Variants in MAGI1 observed in about 807,000 individuals in gnomAD.
The protein encoded by MAGI1 is membrane associated guanylate kinase, WW and PDZ domain containing 1.
A neutral mutation model predicts 139.9 loss-of-function variants in MAGI1; 58 were observed. The observed-to-expected ratio is 0.41, with a 90% CI of 0.34 to 0.52. MAGI1 has a LOEUF of 0.52. MAGI1 is among the 20% of genes least tolerant of loss of function. The pLI is 0.12. For synonymous variants in MAGI1, 812 were observed against 737.9 expected (o/e 1.10, Z -1.63); for missense variants, 1,874 against 1,901.6 (o/e 0.99, Z 0.27).
At chr3:65,732,589 G>C (rs967207321) in intron 1 of MAGI1, among the ~76,000 whole-genome samples, 2 of 152,160 alleles carry the variant, frequency 1.3e-5, no homozygotes, top group Non-Finnish European at 2.9e-5. Context: ...CACTTACCTA[G>C]AAAACAAGAA....
intron 1 of MAGI1, among the ~76,000 whole-genome samples, chr3:65,974,193 G>A (rs1302807215): frequency 6.6e-6 from 1 of 151,878 alleles, no homozygotes; most frequent in Non-Finnish European, 1.5e-5. Flanking sequence ...CTCCTTCAAA[G>A]CATGGATTGT....
At chr3:65,944,385 G>A (rs2063460194) in intron 1 of MAGI1, among the ~76,000 whole-genome samples, 1 of 152,096 alleles carries the variant, frequency 6.6e-6, no homozygotes, top group African/African-American at 2.4e-5. Flanking sequence ...TGGATGTGGG[G>A]TACGTGCCTG....
intron 2 of MAGI1, among the ~76,000 whole-genome samples, chr3:65,558,764 G>A (rs903750882): frequency 6.6e-6 from 1 of 152,052 alleles, no homozygotes; most frequent in Non-Finnish European, 1.5e-5. Flanking sequence ...GACGAGCCTG[G>A]CAATCTACAA....
chr3:65,450,635 A>G (rs1197519608), intron 6 of MAGI1, among the ~76,000 whole-genome samples: 1 of 152,190 alleles, frequency 6.6e-6, no homozygotes, highest in Non-Finnish European at 1.5e-5. Context: ...ATGGATTACA[A>G]TATTGGTCTG....
At chr3:65,396,317 A>G (rs542537036) in intron 13 of MAGI1, among the ~76,000 whole-genome samples, 1 of 152,354 alleles carries the variant, frequency 6.6e-6, no homozygotes, top group South Asian at 2.1e-4. Flanking sequence ...AGGAATATGG[A>G]AATGGGCTCA....
At chr3:65,455,214 T>C (rs569123730) in intron 5 of MAGI1, among the ~76,000 whole-genome samples, 1 of 152,268 alleles carries the variant, frequency 6.6e-6, no homozygotes, top group African/African-American at 2.4e-5. Context: ...AATAACATCC[T>C]GCAAAACTAT....
At chr3:65,566,895 C>T (rs1576340798) in intron 2 of MAGI1, among the ~76,000 whole-genome samples, 1 of 152,050 alleles carries the variant, frequency 6.6e-6, no homozygotes, top group African/African-American at 2.4e-5. Context: ...CAGCATCCGG[C>T]CGTCTTTAGA....
intron 4 of MAGI1, among the ~76,000 whole-genome samples, chr3:65,473,706 C>T (rs1487883153): frequency 1.4e-5 from 2 of 146,990 alleles, no homozygotes; most frequent in African/African-American, 5.0e-5. Context: ...GGAATATTAG[C>T]TCTCTGGGAA....
intron 1 of MAGI1, among the ~76,000 whole-genome samples, chr3:66,021,781 T>G (rs1198636298): frequency 2.0e-5 from 3 of 152,126 alleles, no homozygotes; most frequent in Admixed American, 2.0e-4. Context: ...GTATCAGGAC[T>G]GTGCTGAGCA....
At chr3:66,027,644 A>G (rs576492709) in intron 1 of MAGI1, among the ~76,000 whole-genome samples, 1 of 152,334 alleles carries the variant, frequency 6.6e-6, no homozygotes, top group Middle Eastern at 3.4e-3. Context: ...CAAACCCTTA[A>G]CCTGGGTTTA....
intron 22 of MAGI1, among the ~76,000 whole-genome samples, chr3:65,357,905 C>G (rs865831894): frequency 6.6e-6 from 1 of 152,130 alleles, no homozygotes; most frequent in Non-Finnish European, 1.5e-5. Context: ...TCTACTTTTG[C>G]ACACATTAAA....
At chr3:65,391,433 T>C in intron 13 of MAGI1, 75 bp from the exon 14 acceptor site, 1 of 1,284,354 alleles carries the variant, frequency 7.8e-7, no homozygotes. Flanking sequence ...TTCCACCAGC[T>C]TGTCTTTGTT....
intron 1 of MAGI1, among the ~76,000 whole-genome samples, chr3:65,651,285 T>G (rs991839081): frequency 4.6e-5 from 7 of 152,170 alleles, no homozygotes; most frequent in African/African-American, 1.2e-4. Context: ...CAACCTCATA[T>G]AAGAAGAACA....
intron 1 of MAGI1, among the ~76,000 whole-genome samples, chr3:65,818,955 C>T (rs1484059690): frequency 6.6e-6 from 1 of 152,120 alleles, no homozygotes; most frequent in East Asian, 1.9e-4. Flanking sequence ...TTTAACTGTA[C>T]CCTCAGAAAA....
chr3:65,458,444 T>C (rs1043448515), intron 5 of MAGI1, among the ~76,000 whole-genome samples: 2 of 151,916 alleles, frequency 1.3e-5, no homozygotes, highest in African/African-American at 4.8e-5. Context: ...TGTGAGAAGG[T>C]TTCCTTTTCT....
intron 2 of MAGI1, among the ~76,000 whole-genome samples, chr3:65,562,620 G>A (rs2080414106): frequency 6.6e-6 from 1 of 152,260 alleles, no homozygotes; most frequent in South Asian, 2.1e-4. Flanking sequence ...TTCTGGGGAG[G>A]TGGGATTACA....
At chr3:65,514,805 C>G in intron 2 of MAGI1, among the ~76,000 whole-genome samples, 1 of 148,200 alleles carries the variant, frequency 6.7e-6, no homozygotes, top group South Asian at 2.2e-4. Context: ...CATCCCATTA[C>G]TGGGTGTATA....
chr3:65,739,262 A>AAACTTTTCTTCTGCAGCTTCC lies in MAGI1; in HGVS notation c.314-117195_314-117175dup, dbSNP rs2035051627. ...ATGAACCAACTTATAGGCCAGCTTC[A>AAACTTTTCTTCTGCAGCTTCC]AACTTTTCTTCTGCAGCTTCCTCAC... On this transcript the variant is annotated intron_variant, in intron 1 of 22. Coordinates refer to ENST00000402939, the MANE Select transcript of MAGI1 (RefSeq NM_001033057.2). Among the ~76,000 whole-genome samples, 3 of 152,220 alleles carry AAACTTTTCTTCTGCAGCTTCC rather than the reference A, an allele frequency of 2.0e-5. No homozygotes were observed. In the South Asian group the frequency reaches 6.2e-4, roughly 32 times the overall value.
intron 1 of MAGI1, among the ~76,000 whole-genome samples, chr3:65,974,643 C>T (rs1463631688): frequency 6.6e-6 from 1 of 152,112 alleles, no homozygotes; most frequent in Non-Finnish European, 1.5e-5. Flanking sequence ...CAGTCATCTA[C>T]AGCTTGACTG....
Sources: gnomAD v4.1 joint callset for allele counts (sites outside exome capture counted in the v4.1 genomes callset) on GRCh38, gnomAD v4.1.1 for gene constraint, MANE v1.5 for transcripts, NCBI Gene and HGNC (gene_info 2026-07-23, HGNC 2026-07-21) for gene names.